The following ABCA13 variants were observed in gnomAD, a reference collection of about 807,000 sequenced individuals.
The protein encoded by ABCA13 is ATP binding cassette subfamily A member 13, also known as ATP-binding cassette sub-family A member 13.
In ABCA13, 476 loss-of-function variants were observed where a neutral mutation model predicts 478.7. The observed-to-expected ratio is 0.99, with a 90% CI of 0.92 to 1.07. The LOEUF (loss-of-function observed/expected upper bound fraction) is 1.07, where lower values mean the gene tolerates loss of function less well. Ranked by LOEUF, ABCA13 falls within the 50% of genes least tolerant of loss-of-function variation. ABCA13 has a pLI of 0.00. For synonymous variants in ABCA13, 2,252 were observed against 2,158.9 expected, an observed-to-expected ratio of 1.04 and a Z score of -1.20; for missense variants, 6,060 against 5,910.6, an observed-to-expected ratio of 1.03 and a Z score of -0.83.
chr7:48,303,565 T>A (rs1403957660), intron 23 of ABCA13, among the ~76,000 whole-genome samples: 1 of 152,162 alleles, frequency 6.6e-6, no homozygotes, highest in Non-Finnish European at 1.5e-5. Context: ...TAGCCAGTTA[T>A]CTCAGCACCA....
rs114976448 is a variant in ABCA13, at chr7:48,398,580, A to G, written c.11874-5103A>G. Among the ~76,000 whole-genome samples the G allele has an allele frequency of 4.7e-3, 710 of 152,310 alleles. 7 individuals are homozygous for G. Among genetic ancestry groups the G allele is most frequent in the African/African-American group, 0.015 (638 of 41,580 alleles). On this transcript the variant is annotated intron_variant, in intron 38 of 61. Transcript: ENST00000435803. ...CCCTGCTAGAATCTTTAGAGTAAACATGTGTCAAGATTCAGATCATTACTG... is the reference window on the plus strand; with the variant it reads ...CCCTGCTAGAATCTTTAGAGTAAACGTGTGTCAAGATTCAGATCATTACTG...
At chr7:48,547,010 C>T (rs900907791) in intron 55 of ABCA13, among the ~76,000 whole-genome samples, 1 of 151,612 alleles carries the variant, frequency 6.6e-6, no homozygotes, top group African/African-American at 2.4e-5. Flanking sequence ...GAAAGAAAGT[C>T]CTCTCTAATT....
intron 55 of ABCA13, among the ~76,000 whole-genome samples, chr7:48,536,721 T>G (rs1007478064): frequency 2.0e-5 from 3 of 152,108 alleles, no homozygotes; most frequent in African/African-American, 7.2e-5. Context: ...TTTTGACAAA[T>G]TTGTTATAAA....
intron 55 of ABCA13, among the ~76,000 whole-genome samples, chr7:48,530,040 T>C (rs1833120207): frequency 6.6e-6 from 1 of 152,076 alleles, no homozygotes; most frequent in Non-Finnish European, 1.5e-5. Flanking sequence ...AGTACCTAAT[T>C]GTGTAGTCTT....
Position 48,279,855 on chromosome 7 carries a change from G to A in ABCA13, c.8661G>A (p.Glu2887=). 6.4e-7 allele frequency: 1 copy of A among 1,562,300 alleles called. No homozygotes were observed. The highest frequency in any genetic ancestry group is 8.6e-7 in the Non-Finnish European group (1 of 1,159,104). Residue 2887 remains glutamate (E), a synonymous_variant, in exon 18 of 62, where the codon GAG becomes GAA. Coordinates refer to ENST00000435803, the MANE Select transcript of ABCA13 (RefSeq NM_152701.5). ...GTTTCAAACCATTTTTCTGTTTGGAGAAATACCTGGGAGGATTATTTGTAT... is the reference window on the plus strand; with the variant it reads ...GTTTCAAACCATTTTTCTGTTTGGAAAAATACCTGGGAGGATTATTTGTAT... The part of the protein sequence containing the change: ...PYSFKPFFCL[E]KYLGGLFVLT...
chr7:48,392,198 A>G (rs2129056590), intron 38 of ABCA13, 59 bp downstream of exon 38: 1 of 1,498,192 alleles, frequency 6.7e-7, no homozygotes, highest in East Asian at 2.3e-5. Context: ...AAGGAAGTGA[A>G]GACAATAGAA....
At chr7:48,337,044 C>T (rs1806377485) in intron 28 of ABCA13, among the ~76,000 whole-genome samples, 1 of 152,146 alleles carries the variant, frequency 6.6e-6, no homozygotes, top group African/African-American at 2.4e-5. Context: ...TACTAAGTAG[C>T]CATGTCAGAA....
intron 1 of ABCA13, among the ~76,000 whole-genome samples, chr7:48,173,261 CA>C (rs1794394131): frequency 6.6e-6 from 1 of 152,194 alleles, no homozygotes; most frequent in South Asian, 2.1e-4. Flanking sequence ...TAACACACCA[CA>C]GATTTTCTTA....
chr7:48,563,185 T>A (rs1241292830), intron 55 of ABCA13, among the ~76,000 whole-genome samples: 1 of 152,170 alleles, frequency 6.6e-6, no homozygotes, highest in Non-Finnish European at 1.5e-5. Context: ...TCATGCAGCA[T>A]TTCTCTTCAC....
chr7:48,295,286 T>C (rs1799208191), intron 20 of ABCA13, among the ~76,000 whole-genome samples: 1 of 152,262 alleles, frequency 6.6e-6, no homozygotes, highest in Admixed American at 6.5e-5. Context: ...TTAGTGAAAT[T>C]GAGCACCTTT....
intron 39 of ABCA13, among the ~76,000 whole-genome samples, chr7:48,409,870 A>G (rs1335555400): frequency 2.0e-5 from 3 of 151,518 alleles, no homozygotes; most frequent in Admixed American, 6.6e-5. Flanking sequence ...ATCGGAGGTC[A>G]GAAGTTCAAG....
intron 34 of ABCA13, among the ~76,000 whole-genome samples, chr7:48,376,003 AAAT>A (rs1003724609): frequency 3.9e-5 from 6 of 152,180 alleles, no homozygotes; most frequent in South Asian, 2.1e-4. Context: ...TATTGTAAAA[AAAT>A]AATAATAATT....
chr7:48,375,617 G>T (rs774367925), intron 34 of ABCA13, among the ~76,000 whole-genome samples: 2 of 150,890 alleles, frequency 1.3e-5, no homozygotes, highest in Non-Finnish European at 2.9e-5. Context: ...GTTTTTTTTG[G>T]GGGGGGGTGT....
At chr7:48,263,893 A>T (rs1794527065) in intron 15 of ABCA13, among the ~76,000 whole-genome samples, 1 of 151,842 alleles carries the variant, frequency 6.6e-6, no homozygotes, top group African/African-American at 2.4e-5. Context: ...CTGTAATCAC[A>T]ATTAAGACAG....
chr7:48,618,792 T>G (rs780853492), intron 59 of ABCA13, among the ~76,000 whole-genome samples: 7 of 152,104 alleles, frequency 4.6e-5, no homozygotes, highest in Non-Finnish European at 1.0e-4. Flanking sequence ...GAGAGCCCCT[T>G]AGAGGAGGTG....
chr7:48,335,402 A>G lies in ABCA13; in HGVS notation c.10000-20A>G. The G allele has an allele frequency of 6.5e-7, 1 of 1,544,784 alleles. No individual in the cohort carries two copies. The highest frequency in any genetic ancestry group is 8.9e-7 in the Non-Finnish European group (1 of 1,122,832). ...TAACAGCTGAATAAGAGACATATCC[A>G]AATATGCTTCATTTTGCAGGCTAAT... On this transcript the variant is annotated intron_variant, in intron 27 of 61. Transcript: ENST00000435803.
At position 48,274,353 on chromosome 7, in the gene ABCA13, T is replaced by G; in HGVS notation, c.4687T>G (p.Phe1563Val). 2 of 1,613,190 alleles carry G rather than the reference T, an allele frequency of 1.2e-6. No homozygotes were observed. Among genetic ancestry groups the G allele is most frequent in the Non-Finnish European group, 1.7e-6 (2 of 1,179,684 alleles). ...EFQKLVKGIY[F>V]NILENNSSSK... ...TCAGAAGCTTGTAAAAGGTATTTAC[T>G]TTAACATCCTGGAAAATAATTCCTC... Residue 1563 changes from phenylalanine (F) to valine (V), a missense_variant, in exon 17 of 62, where the codon TTT becomes GTT. By Grantham distance (50) the Phe-to-Val change is conservative. Coordinates refer to ENST00000435803, the MANE Select transcript of ABCA13 (RefSeq NM_152701.5).
At chr7:48,270,199 G>C (rs1795409172) in intron 16 of ABCA13, among the ~76,000 whole-genome samples, 1 of 152,028 alleles carries the variant, frequency 6.6e-6, no homozygotes, top group African/African-American at 2.4e-5. Flanking sequence ...GACAAAACCT[G>C]GGTCGTCTCC....
intron 3 of ABCA13, among the ~76,000 whole-genome samples, chr7:48,210,139 G>A (rs764335089): frequency 2.6e-5 from 4 of 152,132 alleles, no homozygotes; most frequent in Non-Finnish European, 5.9e-5. Flanking sequence ...ATTCTGCACC[G>A]TTGGGGAGGC....
Sources: allele counts gnomAD v4.1 joint callset (sites outside exome capture counted in the v4.1 genomes callset), GRCh38; gene constraint gnomAD v4.1.1; transcripts MANE v1.5; gene names NCBI Gene and HGNC (gene_info 2026-07-23, HGNC 2026-07-21).